CAMKMT: variants seen among roughly 807,000 people sequenced by gnomAD.
The protein encoded by CAMKMT is CaM KMT.
A neutral mutation model predicts 48.0 loss-of-function variants in CAMKMT; 53 were observed. The observed-to-expected ratio is 1.10, with a 90% CI of 0.89 to 1.39. The LOEUF (loss-of-function observed/expected upper bound fraction) is 1.39. Ranked by LOEUF, CAMKMT falls within the 40% of genes most tolerant of loss-of-function variation. The pLI, the probability that CAMKMT is intolerant of heterozygous loss-of-function variation, is 0.00. For synonymous variants in CAMKMT, 165 were observed against 152.3 expected (o/e 1.08, Z -0.61); for missense variants, 428 against 402.7 (o/e 1.06, Z -0.54).
At chr2:44,496,970 G>A (rs905681388) in intron 3 of CAMKMT, among the ~76,000 whole-genome samples, 3 of 152,122 alleles carry the variant, frequency 2.0e-5, no homozygotes, top group Non-Finnish European at 2.9e-5. Context: ...ACCTTTGGCC[G>A]AAATAATCTG....
At chr2:44,561,229 G>A (rs571843460) in intron 3 of CAMKMT, among the ~76,000 whole-genome samples, 2 of 152,186 alleles carry the variant, frequency 1.3e-5, no homozygotes, top group African/African-American at 4.8e-5. Context: ...CTGGTGAGGT[G>A]AAGCTCCTCA....
chr2:44,716,392 A>G (rs538921699), intron 7 of CAMKMT, among the ~76,000 whole-genome samples: 1 of 152,190 alleles, frequency 6.6e-6, no homozygotes, highest in Non-Finnish European at 1.5e-5. Context: ...AATAGCTACA[A>G]TGCTTAAAAA....
intron 9 of CAMKMT, among the ~76,000 whole-genome samples, chr2:44,759,233 C>T (rs1233778246): frequency 6.6e-6 from 1 of 152,168 alleles, no homozygotes; most frequent in Admixed American, 6.5e-5. Flanking sequence ...AGGTGATCCT[C>T]CTGCCTCAGC....
chr2:44,633,297 C>T (rs1225327643), intron 3 of CAMKMT, among the ~76,000 whole-genome samples: 3 of 151,988 alleles, frequency 2.0e-5, no homozygotes, highest in Non-Finnish European at 2.9e-5. Flanking sequence ...GTTTGCTGGC[C>T]TTATGTATCT....
chr2:44,445,796 T>G (rs2104576171), intron 3 of CAMKMT, among the ~76,000 whole-genome samples: 1 of 151,866 alleles, frequency 6.6e-6, no homozygotes, highest in South Asian at 2.1e-4. Context: ...TTTTAATACA[T>G]GTTTTCTAAT....
intron 3 of CAMKMT, among the ~76,000 whole-genome samples, chr2:44,666,210 C>A (rs1217744532): frequency 1.3e-5 from 2 of 152,146 alleles, no homozygotes; most frequent in Non-Finnish European, 2.9e-5. Flanking sequence ...AATTGTTCGA[C>A]CTGAATAGGC....
chr2:44,705,172 C>T (rs1472246018), intron 4 of CAMKMT, among the ~76,000 whole-genome samples: 1 of 152,064 alleles, frequency 6.6e-6, no homozygotes, highest in Non-Finnish European at 1.5e-5. Context: ...CCATATTTAC[C>T]AACCAGTCTA....
intron 3 of CAMKMT, among the ~76,000 whole-genome samples, chr2:44,437,502 T>C (rs1666336560): frequency 1.4e-5 from 2 of 141,132 alleles, no homozygotes; most frequent in South Asian, 4.1e-4. Context: ...CATGTTTTTC[T>C]GATTTCTTTG....
At chr2:44,711,919 T>A (rs1249031824) in intron 6 of CAMKMT, among the ~76,000 whole-genome samples, 1 of 152,186 alleles carries the variant, frequency 6.6e-6, no homozygotes, top group Non-Finnish European at 1.5e-5. Context: ...TTCATTTGAC[T>A]TCAAAGCTTA....
intron 3 of CAMKMT, among the ~76,000 whole-genome samples, chr2:44,656,473 T>C (rs534791982): frequency 9.2e-5 from 14 of 152,262 alleles, no homozygotes; most frequent in African/African-American, 3.4e-4. Flanking sequence ...ACAGCTTTTC[T>C]CAAAAAGAAT....
At chr2:44,362,839 C>T (rs1678079456) in intron 1 of CAMKMT, among the ~76,000 whole-genome samples, 1 of 152,224 alleles carries the variant, frequency 6.6e-6, no homozygotes, top group African/African-American at 2.4e-5. Context: ...CAACTCCACT[C>T]GTGCAAGCTT....
chr2:44,558,805 G>C (rs1668162432), intron 3 of CAMKMT, among the ~76,000 whole-genome samples: 1 of 152,106 alleles, frequency 6.6e-6, no homozygotes, highest in African/African-American at 2.4e-5. Flanking sequence ...AGAGAGGTGA[G>C]GGTTCAAAAA....
chr2:44,388,781 C>A (rs1314522958), intron 2 of CAMKMT, among the ~76,000 whole-genome samples: 1 of 152,124 alleles, frequency 6.6e-6, no homozygotes, highest in African/African-American at 2.4e-5. Flanking sequence ...CTCCTGGGTT[C>A]TAGCTACCCA....
chr2:44,731,181 A>T (rs1679060781), intron 7 of CAMKMT, among the ~76,000 whole-genome samples: 2 of 152,278 alleles, frequency 1.3e-5, no homozygotes, highest in African/African-American at 4.8e-5. Context: ...TCTCTACTAT[A>T]AGTACAAAAA....
intron 3 of CAMKMT, among the ~76,000 whole-genome samples, chr2:44,572,084 C>T (rs998444500): frequency 3.3e-5 from 5 of 152,150 alleles, no homozygotes; most frequent in African/African-American, 4.8e-5. Flanking sequence ...CACCACCATC[C>T]ATCTCTAGAA....
At chr2:44,742,816 C>A (rs1679752244) in intron 7 of CAMKMT, among the ~76,000 whole-genome samples, 1 of 152,086 alleles carries the variant, frequency 6.6e-6, no homozygotes, top group African/African-American at 2.4e-5. Flanking sequence ...AGGACATGTT[C>A]AATCCGGTTA....
At chr2:44,500,206 TAGAGTATCTA>T in intron 3 of CAMKMT, among the ~76,000 whole-genome samples, 1 of 152,300 alleles carries the variant, frequency 6.6e-6, no homozygotes, top group African/African-American at 2.4e-5. Context: ...ACTAGGGTTT[TAGAGTATCTA>T]AGTAGGTTTT....
chr2:44,404,287 A>G (rs1261434918), intron 3 of CAMKMT, among the ~76,000 whole-genome samples: 2 of 152,140 alleles, frequency 1.3e-5, no homozygotes, highest in Admixed American at 6.5e-5. Context: ...ATTTCATTAC[A>G]TGGCTTGTTT....
chr2:44,673,415 T>G (rs1464317240), intron 3 of CAMKMT, among the ~76,000 whole-genome samples: 1 of 119,864 alleles, frequency 8.3e-6, no homozygotes. Context: ...GGGGACAGAA[T>G]GAGACCCTGT....
Sources: gnomAD v4.1 joint callset for allele counts (sites outside exome capture counted in the v4.1 genomes callset) on GRCh38, gnomAD v4.1.1 for gene constraint, MANE v1.5 for transcripts, NCBI Gene and HGNC (gene_info 2026-07-23, HGNC 2026-07-21) for gene names.